RBFOX1: variants seen among roughly 807,000 people sequenced by gnomAD.
RBFOX1 encodes RNA binding protein fox-1 homolog 1.
RBFOX1 carries 8 observed loss-of-function variants against 57.7 expected under a neutral mutation model. That is an observed-to-expected ratio of 0.14 (90% confidence interval 0.08 to 0.25). The LOEUF is 0.25. Among genes scored for constraint, RBFOX1 ranks in the 10% least tolerant of loss-of-function variants. The pLI, the probability that RBFOX1 is intolerant of heterozygous loss-of-function variation, is 1.00. For missense variants in RBFOX1, 611 were observed against 548.5 expected, an observed-to-expected ratio of 1.11 and a Z score of -1.14; for synonymous variants, 326 against 222.4, an observed-to-expected ratio of 1.47 and a Z score of -4.15.
chr16:5,270,566 G>A, intron 1 of RBFOX1: 1 of 591,272 alleles, frequency 1.7e-6, no homozygotes. Flanking sequence ...GACTACCGAT[G>A]GTTACTTCTT....
At chr16:5,733,562 C>T (rs544811523) in intron 3 of RBFOX1, among the ~76,000 whole-genome samples, 2 of 152,084 alleles carry the variant, frequency 1.3e-5, no homozygotes, top group Non-Finnish European at 2.9e-5. Flanking sequence ...AAACTCAGGC[C>T]TTAGTTCCTA....
At chr16:5,989,594 G>C (rs1420721382) in intron 4 of RBFOX1, among the ~76,000 whole-genome samples, 2 of 152,058 alleles carry the variant, frequency 1.3e-5, no homozygotes, top group Admixed American at 1.3e-4. Context: ...GGGTGCTGGC[G>C]ATGTGGGTGG....
At position 6,552,847 on chromosome 16, in the gene RBFOX1, A is replaced by T. The variant is rs560598770; in HGVS notation, c.-63-101756A>T. ...TATATATTATAAATATATAATATAG[A>T]GTATGTCTGGCAGTATATTCTGTTT... On this transcript the variant is annotated intron_variant, in intron 2 of 15. Coordinates refer to ENST00000550418, the MANE Select transcript of RBFOX1 (RefSeq NM_018723.4). 9.9e-5 allele frequency among the ~76,000 whole-genome samples: 15 copies of T among 152,150 alleles called. 1 individual carries two copies. In the East Asian group the frequency reaches 2.5e-3, roughly 25 times the overall value.
intron 4 of RBFOX1, among the ~76,000 whole-genome samples, chr16:7,320,464 T>C (rs2096526638): frequency 6.6e-6 from 1 of 152,210 alleles, no homozygotes; most frequent in African/African-American, 2.4e-5. Flanking sequence ...ACATTTTCTT[T>C]ATCCAGTCTA....
intron 3 of RBFOX1, among the ~76,000 whole-genome samples, chr16:5,709,559 C>G (rs527302004): frequency 5.5e-4 from 83 of 151,804 alleles, no homozygotes; most frequent in African/African-American, 1.8e-3. Context: ...ATTAATCCAT[C>G]TCTCATTCTC....
intron 4 of RBFOX1, among the ~76,000 whole-genome samples, chr16:5,937,391 G>C (rs1460786213): frequency 6.6e-6 from 1 of 152,160 alleles, no homozygotes; most frequent in Non-Finnish European, 1.5e-5. Context: ...TTACATTCTA[G>C]AGTAGAGGCG....
In RBFOX1 at chr16:5,581,931, A is replaced by G. The variant is rs527704770; in HGVS notation, c.259-16971A>G. Reference sequence around the variant, plus strand: ...AAGGACGCTGTAATGTAGATGAGTAAGTGTAGTTGAAGGCAAAACTGAGAA... The same window carrying G: ...AAGGACGCTGTAATGTAGATGAGTAGGTGTAGTTGAAGGCAAAACTGAGAA... On this transcript the variant is annotated intron_variant, in intron 2 of 2. Coordinates refer to the RBFOX1 transcript ENST00000585867. Among the ~76,000 whole-genome samples, 28 of 152,310 alleles carry G rather than the reference A, an allele frequency of 1.8e-4. 1 individual carries two copies. The South Asian group carries it at 5.8e-3, about 32-fold the overall frequency.
intron 1 of RBFOX1, among the ~76,000 whole-genome samples, chr16:6,119,498 T>A (rs573206013): frequency 6.6e-6 from 1 of 152,326 alleles, no homozygotes; most frequent in African/African-American, 2.4e-5. Context: ...TACACTAATT[T>A]ATTACTTTGA....
At chr16:6,759,759 T>C (rs2076342004) in intron 3 of RBFOX1, among the ~76,000 whole-genome samples, 1 of 152,182 alleles carries the variant, frequency 6.6e-6, no homozygotes, top group Non-Finnish European at 1.5e-5. Flanking sequence ...GAAGAATTCA[T>C]GCTAAAGAAA....
At chr16:5,265,362 C>G (rs1362842660) in intron 1 of RBFOX1, among the ~76,000 whole-genome samples, 1 of 152,146 alleles carries the variant, frequency 6.6e-6, no homozygotes, top group African/African-American at 2.4e-5. Flanking sequence ...GCAGAATGAG[C>G]TTCTTGCTAC....
intron 1 of RBFOX1, among the ~76,000 whole-genome samples, chr16:6,028,812 G>A (rs2095244681): frequency 6.6e-6 from 1 of 152,214 alleles, no homozygotes; most frequent in Non-Finnish European, 1.5e-5. Flanking sequence ...ATAAGGCACT[G>A]AATGGGGCTA....
At chr16:6,804,303 C>T (rs1603626865) in intron 3 of RBFOX1, among the ~76,000 whole-genome samples, 1 of 152,116 alleles carries the variant, frequency 6.6e-6, no homozygotes, top group South Asian at 2.1e-4. Flanking sequence ...CCACCCAGCC[C>T]TGCCAATACA....
At chr16:6,616,338 A>G (rs549853325) in intron 2 of RBFOX1, among the ~76,000 whole-genome samples, 5 of 151,524 alleles carry the variant, frequency 3.3e-5, no homozygotes, top group East Asian at 1.9e-4. Context: ...TCCACCCCCA[A>G]CCGTGCCCAG....
chr16:7,396,407 C>T (rs77656852), intron 4 of RBFOX1, among the ~76,000 whole-genome samples: 380 of 152,214 alleles, frequency 2.5e-3, no homozygotes, highest in South Asian at 4.4e-3. Flanking sequence ...TGTTTTTCTC[C>T]CTGGATGACT....
At chr16:5,855,973 ATTCTTTT>A (rs2057017010) in intron 3 of RBFOX1, among the ~76,000 whole-genome samples, 3 of 81,192 alleles carry the variant, frequency 3.7e-5, no homozygotes, top group Admixed American at 1.2e-4. Context: ...TATGTATGTT[ATTCTTTT>A]TTTTTTTTTT....
At chr16:7,006,926 G>A (rs1462609744) in intron 3 of RBFOX1, among the ~76,000 whole-genome samples, 1 of 152,112 alleles carries the variant, frequency 6.6e-6, no homozygotes, top group African/African-American at 2.4e-5. Context: ...GCACCGTCTT[G>A]TCTCTTCCAT....
chr16:5,564,252 A>T (rs899868471), intron 2 of RBFOX1, among the ~76,000 whole-genome samples: 2 of 152,008 alleles, frequency 1.3e-5, no homozygotes, highest in African/African-American at 4.8e-5. Context: ...TCCTGACCTC[A>T]GGTAATCCAC....
chr16:5,682,822 A>G (rs1256091216), intron 3 of RBFOX1, among the ~76,000 whole-genome samples: 1 of 152,172 alleles, frequency 6.6e-6, no homozygotes, highest in Non-Finnish European at 1.5e-5. Flanking sequence ...GCAGTCTGAT[A>G]TGTGAAATGT....
Position 5,639,736 on chromosome 16 carries a change from G to A in RBFOX1, c.318+40775G>A, listed in dbSNP as rs375421965. ...GTGGGAGGCTGCTCGGCATTTGGGC[G>A]GAACAAGATGACTGAATTTACTGGA... On this transcript the variant is annotated intron_variant, in intron 3 of 19. Transcript: ENST00000641259. Among the ~76,000 whole-genome samples the A allele has an allele frequency of 1.8e-3, 267 of 152,286 alleles. 6 individuals carry two copies. The highest frequency in any genetic ancestry group is 4.0e-4 in the Non-Finnish European group (27 of 68,030).
Sources: allele counts gnomAD v4.1 joint callset (sites outside exome capture counted in the v4.1 genomes callset), GRCh38; gene constraint gnomAD v4.1.1; transcripts MANE v1.5; gene names NCBI Gene and HGNC (gene_info 2026-07-23, HGNC 2026-07-21).